IL1RAPL2: variants seen among roughly 807,000 people sequenced by gnomAD.
The protein encoded by IL1RAPL2 is interleukin 1 receptor accessory protein like 2.
A neutral mutation model predicts 44.1 loss-of-function variants in IL1RAPL2; 3 were observed. That is an observed-to-expected ratio of 0.07 (90% CI 0.03 to 0.18). IL1RAPL2 has a LOEUF of 0.18. Among genes scored for constraint, IL1RAPL2 ranks in the 10% least tolerant of loss-of-function variants. IL1RAPL2 has a pLI of 1.00. For synonymous variants in IL1RAPL2, 181 were observed against 178.8 expected, an observed-to-expected ratio of 1.01 and a Z score of -0.10; for missense variants, 391 against 496.4, an observed-to-expected ratio of 0.79 and a Z score of 2.02.
chrX:104,675,746 A>C (rs948810922), intron 2 of IL1RAPL2, among the ~76,000 whole-genome samples: 2 of 110,256 alleles, frequency 1.8e-5, no homozygotes, highest in African/African-American at 6.6e-5. Flanking sequence ...GTCTCTTTGT[A>C]GGTCACTCAG....
intron 6 of IL1RAPL2, among the ~76,000 whole-genome samples, chrX:105,568,571 T>G (rs1472703180): frequency 8.9e-6 from 1 of 111,902 alleles, no homozygotes; most frequent in Non-Finnish European, 1.9e-5. Context: ...ATGACTTATA[T>G]GTATTTGTAA....
intron 6 of IL1RAPL2, among the ~76,000 whole-genome samples, chrX:105,591,016 A>G (rs951641237): frequency 6.4e-5 from 7 of 110,117 alleles, no homozygotes; most frequent in Non-Finnish European, 1.1e-4. Context: ...CATCTGGTAG[A>G]ATTTGGCTGT....
At chrX:105,083,450 G>A (rs1419091490) in intron 2 of IL1RAPL2, among the ~76,000 whole-genome samples, 7 of 111,120 alleles carry the variant, frequency 6.3e-5, no homozygotes, top group African/African-American at 2.0e-4. Flanking sequence ...GAAATACAGA[G>A]AATACCACAA....
intron 5 of IL1RAPL2, among the ~76,000 whole-genome samples, chrX:105,284,514 T>G (rs1262054510): frequency 8.9e-6 from 1 of 112,013 alleles, no homozygotes; most frequent in Non-Finnish European, 1.9e-5. Flanking sequence ...CTGTATACCA[T>G]ACTGAATTCT....
intron 5 of IL1RAPL2, among the ~76,000 whole-genome samples, chrX:105,374,465 C>A (rs931696910): frequency 1.8e-5 from 2 of 111,503 alleles, no homozygotes; most frequent in African/African-American, 6.5e-5. Context: ...TTCTTCCTAT[C>A]CGTGAACATG....
chrX:105,184,845 A>G (rs2033570795), intron 2 of IL1RAPL2, among the ~76,000 whole-genome samples: 1 of 111,743 alleles, frequency 8.9e-6, no homozygotes, highest in Non-Finnish European at 1.9e-5. Flanking sequence ...TTGAACTAAT[A>G]TGTATTATAT....
At chrX:105,695,282 C>T (rs1400275015) in intron 6 of IL1RAPL2, among the ~76,000 whole-genome samples, 2 of 111,516 alleles carry the variant, frequency 1.8e-5, no homozygotes, top group African/African-American at 6.5e-5. Flanking sequence ...AGTTAAGCAA[C>T]AAAAAGAGGT....
At chrX:105,165,132 G>T (rs951898058) in intron 2 of IL1RAPL2, among the ~76,000 whole-genome samples, 2 of 111,545 alleles carry the variant, frequency 1.8e-5, no homozygotes, top group African/African-American at 6.5e-5. Flanking sequence ...AGATTATTCT[G>T]CAAACCTTAG....
At chrX:105,371,901 G>A (rs2035343613) in intron 5 of IL1RAPL2, among the ~76,000 whole-genome samples, 1 of 111,570 alleles carries the variant, frequency 9.0e-6, no homozygotes, top group African/African-American at 3.3e-5. Flanking sequence ...TGATATCTGA[G>A]ATGATATCCC....
At chrX:104,796,507 G>T (rs775904001) in intron 2 of IL1RAPL2, among the ~76,000 whole-genome samples, 3 of 112,122 alleles carry the variant, frequency 2.7e-5, no homozygotes, top group Non-Finnish European at 5.6e-5. Flanking sequence ...TTCATGGGCT[G>T]GCCCAAAGGG....
chrX:105,189,412 G>A (rs1367682848), intron 2 of IL1RAPL2, among the ~76,000 whole-genome samples: 8 of 111,514 alleles, frequency 7.2e-5, no homozygotes, highest in Admixed American at 5.7e-4. Context: ...TGTATTCTTA[G>A]TAGAGATGGA....
intron 2 of IL1RAPL2, among the ~76,000 whole-genome samples, chrX:105,058,702 C>A (rs2032031513): frequency 9.0e-6 from 1 of 110,627 alleles, no homozygotes; most frequent in Admixed American, 9.6e-5. Flanking sequence ...TCCTTTTCTC[C>A]AGAAAAAAAA....
intron 2 of IL1RAPL2, among the ~76,000 whole-genome samples, chrX:104,911,221 A>C (rs1924228330): frequency 8.9e-6 from 1 of 111,868 alleles, no homozygotes; most frequent in Admixed American, 9.5e-5. Context: ...AATTTTCTCT[A>C]ACTGTCAAGA....
intron 2 of IL1RAPL2, among the ~76,000 whole-genome samples, chrX:104,885,901 T>A (rs1923226092): frequency 1.8e-5 from 2 of 113,340 alleles, no homozygotes; most frequent in South Asian, 7.2e-4. Context: ...GCAATGGTTC[T>A]CTGGGCTGGA....
At chrX:105,156,354 A>G (rs2147592125) in intron 2 of IL1RAPL2, among the ~76,000 whole-genome samples, 1 of 112,158 alleles carries the variant, frequency 8.9e-6, no homozygotes, top group South Asian at 3.7e-4. Flanking sequence ...TCAGGTACTT[A>G]TAGAAACTTT....
intron 2 of IL1RAPL2, among the ~76,000 whole-genome samples, chrX:104,891,842 G>A (rs760237862): frequency 7.2e-5 from 8 of 111,719 alleles, no homozygotes; most frequent in African/African-American, 2.3e-4. Flanking sequence ...TTGAATAGGA[G>A]TGGTGAGAGA....
At chrX:104,683,507 C>G (rs1478182239) in intron 2 of IL1RAPL2, among the ~76,000 whole-genome samples, 1 of 112,175 alleles carries the variant, frequency 8.9e-6, no homozygotes, top group Non-Finnish European at 1.9e-5. Flanking sequence ...TCCACTTCAA[C>G]CACAGCAGCT....
intron 2 of IL1RAPL2, among the ~76,000 whole-genome samples, chrX:105,064,613 T>C (rs1161882212): frequency 8.9e-6 from 1 of 112,478 alleles, no homozygotes; most frequent in Non-Finnish European, 1.9e-5. Context: ...TTAACACATA[T>C]TTTGTACATT....
At chrX:104,719,710 G>A (rs1466808531) in intron 2 of IL1RAPL2, among the ~76,000 whole-genome samples, 1 of 111,504 alleles carries the variant, frequency 9.0e-6, no homozygotes, top group Non-Finnish European at 1.9e-5. Context: ...TAGCTTCACC[G>A]TTTCATCCTG....
Sources: allele counts gnomAD v4.1 joint callset (sites outside exome capture counted in the v4.1 genomes callset), GRCh38; gene constraint gnomAD v4.1.1; transcripts MANE v1.5; gene names NCBI Gene and HGNC (gene_info 2026-07-23, HGNC 2026-07-21).